SMC5: variants seen among roughly 807,000 people sequenced by gnomAD.
SMC5 encodes the protein structural maintenance of chromosomes 5.
Under a neutral mutation model 148.3 loss-of-function variants are expected in SMC5, and 88 were observed. That is an observed-to-expected ratio of 0.59 (90% confidence interval 0.50 to 0.71). The LOEUF is 0.71. Ranked by LOEUF, SMC5 falls within the 30% of genes least tolerant of loss-of-function variation. SMC5 has a pLI of 0.00. For synonymous variants in SMC5, 421 were observed against 432.8 expected (o/e 0.97, Z 0.34); for missense variants, 1,142 against 1,298.9 (o/e 0.88, Z 1.86).
chr9:70,288,145 T>C (rs984631512), intron 8 of SMC5, among the ~76,000 whole-genome samples: 2 of 152,192 alleles, frequency 1.3e-5, no homozygotes, highest in African/African-American at 4.8e-5. Context: ...ACTTCCCTTA[T>C]ATTCCTGTCA....
intron 17 of SMC5, among the ~76,000 whole-genome samples, chr9:70,340,967 ATTTCT>A (rs1197443468): frequency 1.3e-5 from 2 of 152,110 alleles, no homozygotes; most frequent in African/African-American, 4.8e-5. Flanking sequence ...CATTTCACTC[ATTTCT>A]TATCTTACAT....
At chr9:70,338,061 C>G in intron 17 of SMC5, among the ~76,000 whole-genome samples, 1 of 152,106 alleles carries the variant, frequency 6.6e-6, no homozygotes, top group East Asian at 1.9e-4. Flanking sequence ...CTCACCCAGG[C>G]TGAAGTGCGG....
chr9:70,321,415 C>T (rs1481006461), intron 15 of SMC5, among the ~76,000 whole-genome samples: 8 of 99,350 alleles, frequency 8.1e-5, no homozygotes, highest in East Asian at 5.6e-4. Flanking sequence ...TTTTTTGAGA[C>T]GGGGTCTTGC....
In SMC5 at chr9:70,347,906, C is replaced by T; in HGVS notation, c.2770-13C>T. The T allele has an allele frequency of 6.4e-7, 1 of 1,566,822 alleles. No individual in the cohort carries two copies. Among genetic ancestry groups the T allele is most frequent in the Non-Finnish European group, 8.6e-7 (1 of 1,157,624 alleles). ...GCTTTTAAATTGTGTTTTTATATTGCCTTTATTTGTAGGTAAAAGAAAGGT... is the reference window on the plus strand; with the variant it reads ...GCTTTTAAATTGTGTTTTTATATTGTCTTTATTTGTAGGTAAAAGAAAGGT... On this transcript the variant is annotated splice_polypyrimidine_tract_variant and intron_variant, in intron 21 of 24. Coordinates refer to ENST00000361138, the MANE Select transcript of SMC5 (RefSeq NM_015110.4).
intron 5 of SMC5, 72 bp downstream of exon 5, chr9:70,278,697 T>C (rs1382050247): frequency 1.4e-6 from 2 of 1,423,784 alleles, no homozygotes; most frequent in Middle Eastern, 1.8e-4. Flanking sequence ...GGAGAGAGAG[T>C]AGTAGTATTG....
intron 3 of SMC5, among the ~76,000 whole-genome samples, chr9:70,272,435 G>A (rs2034476478): frequency 6.6e-6 from 1 of 152,194 alleles, no homozygotes; most frequent in Admixed American, 6.5e-5. Flanking sequence ...CTCAGGCAGA[G>A]CTGGGCACGG....
At chr9:70,325,803 T>G (rs569182090) in intron 17 of SMC5, among the ~76,000 whole-genome samples, 1 of 152,274 alleles carries the variant, frequency 6.6e-6, no homozygotes, top group East Asian at 1.9e-4. Context: ...TTAGATGTTT[T>G]GGGAGAGGAA....
chr9:70,333,852 A>G (rs183060335), intron 17 of SMC5, among the ~76,000 whole-genome samples: 288 of 151,550 alleles, frequency 1.9e-3, no homozygotes, highest in Non-Finnish European at 3.4e-3. Context: ...TCATGGATCA[A>G]AAATTCAGGA....
chr9:70,269,006 A>G (rs193258548), intron 3 of SMC5, among the ~76,000 whole-genome samples: 1 of 152,274 alleles, frequency 6.6e-6, no homozygotes, highest in African/African-American at 2.4e-5. Context: ...TTGCTGTTGG[A>G]ATATTAGTGG....
intron 19 of SMC5, 60 bp from the exon 20 acceptor site, chr9:70,347,006 T>C (rs1234252442): frequency 7.9e-7 from 1 of 1,262,308 alleles, no homozygotes; most frequent in East Asian, 2.3e-5. Context: ...ATTTTTCTTT[T>C]AACTATTTGA....
At chr9:70,281,047 T>G (rs2034736658) in intron 6 of SMC5, 148 bp downstream of exon 6, 1 of 821,282 alleles carries the variant, frequency 1.2e-6, no homozygotes, top group South Asian at 1.7e-5. Context: ...TCATGTCTTT[T>G]TTTTTTTTGA....
chr9:70,348,211 T>G (rs757498693), intron 22 of SMC5, among the ~76,000 whole-genome samples, 173 bp downstream of exon 22: 11 of 152,162 alleles, frequency 7.2e-5, no homozygotes, highest in Non-Finnish European at 1.3e-4. Flanking sequence ...GGTCACTTTT[T>G]TTGGGGGGGG....
chr9:70,308,964 T>C (rs796864073), intron 11 of SMC5, among the ~76,000 whole-genome samples: 15 of 152,364 alleles, frequency 9.8e-5, no homozygotes, highest in African/African-American at 3.6e-4. Flanking sequence ...TACAAACTTT[T>C]TGGCTTCCCA....
At chr9:70,307,357 A>G (rs1564048611) in intron 11 of SMC5, among the ~76,000 whole-genome samples, 1 of 152,186 alleles carries the variant, frequency 6.6e-6, no homozygotes, top group Non-Finnish European at 1.5e-5. Flanking sequence ...TAGGTTTAAG[A>G]GCCATTAATG....
chr9:70,312,487 G>A (rs1270758987), intron 11 of SMC5, among the ~76,000 whole-genome samples: 1 of 152,210 alleles, frequency 6.6e-6, no homozygotes, highest in African/African-American at 2.4e-5. Flanking sequence ...CAAATGACAA[G>A]ATTGGACACC....
rs924956292 is a variant in SMC5, at chr9:70,269,496, C to T, written c.380+1521C>T. Among the ~76,000 whole-genome samples the T allele has an allele frequency of 7.2e-5, 11 of 152,062 alleles. No individual in the cohort carries two copies. The East Asian group carries it at 1.9e-3, about 27-fold the overall frequency. On this transcript the variant is annotated intron_variant, in intron 3 of 24. Coordinates refer to ENST00000361138, the MANE Select transcript of SMC5 (RefSeq NM_015110.4). ...TTAGGAAACTGAGATGAGAGGATCA[C>T]CTGAGCCTGGGGAGGTAGAGGATGT...
intron 17 of SMC5, among the ~76,000 whole-genome samples, chr9:70,330,439 A>G (rs1346307883): frequency 6.6e-6 from 1 of 152,166 alleles, no homozygotes; most frequent in Non-Finnish European, 1.5e-5. Context: ...GTTAAATAAC[A>G]CTGAGGAATA....
At chr9:70,300,693 G>A (rs2035336662) in intron 10 of SMC5, among the ~76,000 whole-genome samples, 1 of 152,038 alleles carries the variant, frequency 6.6e-6, no homozygotes, top group South Asian at 2.1e-4. Context: ...GATGATTGCG[G>A]GTCATCAAGA....
In SMC5 at chr9:70,278,487, C is replaced by G. The variant is rs551329296; in HGVS notation, c.544-4C>G. The G allele has an allele frequency of 1.9e-5, 31 of 1,601,626 alleles. No individual in the cohort carries two copies. The African/African-American group carries it at 3.2e-4, about 17-fold the overall frequency. On this transcript the variant is annotated splice_region_variant and splice_polypyrimidine_tract_variant and intron_variant, in intron 4 of 24. Transcript: ENST00000361138. ...GTTGCTGATATTTAATTTTTGTGCTCTAGGACAAAGTTGGAGAATTTGCTA... is the reference window on the plus strand; with the variant it reads ...GTTGCTGATATTTAATTTTTGTGCTGTAGGACAAAGTTGGAGAATTTGCTA...
Sources: gnomAD v4.1 joint callset for allele counts (sites outside exome capture counted in the v4.1 genomes callset) on GRCh38, gnomAD v4.1.1 for gene constraint, MANE v1.5 for transcripts, NCBI Gene and HGNC (gene_info 2026-07-23, HGNC 2026-07-21) for gene names.